Variants in GPHN observed in about 807,000 individuals in gnomAD.
The protein encoded by GPHN is gephyrin.
In GPHN, 17 loss-of-function variants were observed where a neutral mutation model predicts 95.5. That is an observed-to-expected ratio of 0.18 (90% confidence interval 0.12 to 0.27). The LOEUF (loss-of-function observed/expected upper bound fraction) is 0.27. Ranked by LOEUF, GPHN falls within the 10% of genes least tolerant of loss-of-function variation. The pLI is 1.00. For missense variants in GPHN, 660 were observed against 978.1 expected, an observed-to-expected ratio of 0.67 and a Z score of 4.34; for synonymous variants, 320 against 322.5, an observed-to-expected ratio of 0.99 and a Z score of 0.08.
At chr14:66,538,210 G>GT (rs928723237) in intron 1 of GPHN, among the ~76,000 whole-genome samples, 2 of 151,796 alleles carry the variant, frequency 1.3e-5, no homozygotes, top group African/African-American at 4.8e-5. Flanking sequence ...AGGAGTGTGC[G>GT]TTTTTTTGGC....
At chr14:67,190,388 T>G in the GPHN span, among the ~76,000 whole-genome samples, 1 of 151,650 alleles carries the variant, frequency 6.6e-6, no homozygotes. Flanking sequence ...CATGCCTGGC[T>G]AATTTTTGTA....
the GPHN span, chr14:67,360,325 C>T: frequency 7.5e-6 from 3 of 397,944 alleles, no homozygotes; most frequent in Admixed American, 4.4e-5. Flanking sequence ...GAGGAGGTTC[C>T]GCATGCGCGG....
At chr14:66,827,072 C>G (rs1369489905) in intron 4 of GPHN, among the ~76,000 whole-genome samples, 1 of 151,974 alleles carries the variant, frequency 6.6e-6, no homozygotes, top group Non-Finnish European at 1.5e-5. Context: ...TCAGTTGAGG[C>G]AAGGAGTTCA....
At chr14:66,934,418 T>TTCCTA (rs1005261776) in intron 8 of GPHN, among the ~76,000 whole-genome samples, 1 of 152,218 alleles carries the variant, frequency 6.6e-6, no homozygotes, top group African/African-American at 2.4e-5. Flanking sequence ...TTCCTAGCAC[T>TTCCTA]GTACCACATT....
the GPHN span, among the ~76,000 whole-genome samples, chr14:67,514,302 T>C: frequency 6.6e-6 from 1 of 152,132 alleles, no homozygotes. Context: ...CGTTTCTGAC[T>C]GAGCATAGAA....
chr14:67,548,714 G>A, the GPHN span, among the ~76,000 whole-genome samples: 1 of 152,070 alleles, frequency 6.6e-6, no homozygotes, highest in Non-Finnish European at 1.5e-5. Flanking sequence ...AAAGAGAGAA[G>A]AAATAATGTG....
chr14:67,625,094 C>A, the GPHN span, among the ~76,000 whole-genome samples: 1 of 151,716 alleles, frequency 6.6e-6, no homozygotes, highest in South Asian at 2.1e-4. Context: ...ATTTGACCAA[C>A]ACAAGTCAGT....
chr14:67,329,724 C>T, the GPHN span, among the ~76,000 whole-genome samples: 1 of 151,938 alleles, frequency 6.6e-6, no homozygotes, highest in Non-Finnish European at 1.5e-5. Flanking sequence ...ACTAAAAATA[C>T]AAAAAACATT....
the GPHN span, chr14:67,397,888 A>AG: frequency 7.1e-7 from 1 of 1,402,212 alleles, no homozygotes; most frequent in East Asian, 2.4e-5. Flanking sequence ...GTGTTCAGGG[A>AG]GGGGGTGTCT....
At chr14:66,692,926 G>A (rs2067871687) in intron 2 of GPHN, among the ~76,000 whole-genome samples, 1 of 151,876 alleles carries the variant, frequency 6.6e-6, no homozygotes, top group African/African-American at 2.4e-5. Context: ...TGATTTCATA[G>A]CTTCATTGCA....
intron 1 of GPHN, among the ~76,000 whole-genome samples, chr14:66,660,691 A>G (rs919863404): frequency 6.6e-6 from 1 of 152,154 alleles, no homozygotes; most frequent in Non-Finnish European, 1.5e-5. Flanking sequence ...ACAGAGAGGA[A>G]CGAAAGGGAC....
At chr14:67,426,536 G>A in the GPHN span, among the ~76,000 whole-genome samples, 5 of 152,160 alleles carry the variant, frequency 3.3e-5, no homozygotes, top group Non-Finnish European at 4.4e-5. Context: ...GTAGGCTGCC[G>A]GGTTCGGGGG....
At chr14:67,310,722 A>G in the GPHN span, among the ~76,000 whole-genome samples, 2 of 152,208 alleles carry the variant, frequency 1.3e-5, no homozygotes, top group African/African-American at 4.8e-5. Flanking sequence ...CAGTTTGTAT[A>G]TTAGGACTCA....
chr14:67,589,945 G>A, the GPHN span: 1 of 1,342,398 alleles, frequency 7.4e-7, no homozygotes, highest in Non-Finnish European at 9.6e-7. Context: ...CTGCTCTATG[G>A]CTCTAAGATG....
the GPHN span, chr14:67,690,850 C>T: frequency 1.4e-4 from 56 of 412,958 alleles, 1 homozygote; most frequent in African/African-American, 1.1e-3. Context: ...ATACCTGATG[C>T]TGGCCACAAG....
chr14:67,391,304 T>TGTGA, the GPHN span, among the ~76,000 whole-genome samples: 6 of 150,784 alleles, frequency 4.0e-5, no homozygotes, highest in South Asian at 4.2e-4. Context: ...TGTGTGTGTG[T>TGTGA]GACTTTCTTT....
At chr14:66,884,452 A>G (rs1264203056) in intron 5 of GPHN, among the ~76,000 whole-genome samples, 1 of 152,114 alleles carries the variant, frequency 6.6e-6, no homozygotes, top group Non-Finnish European at 1.5e-5. Context: ...CATATTTACT[A>G]GCATTTACTA....
the GPHN span, chr14:67,381,462 A>G: frequency 4.3e-6 from 2 of 469,982 alleles, no homozygotes; most frequent in Non-Finnish European, 7.8e-6. Flanking sequence ...TAAATAAGGA[A>G]CTGCAGTATA....
At chr14:67,172,943 G>C (rs1047283916) in intron 21 of GPHN, among the ~76,000 whole-genome samples, 2 of 152,164 alleles carry the variant, frequency 1.3e-5, no homozygotes, top group Non-Finnish European at 2.9e-5. Context: ...CAGGTTCCTA[G>C]ATAGCAACAA....
Sources: gnomAD v4.1 joint callset for allele counts (sites outside exome capture counted in the v4.1 genomes callset) on GRCh38, gnomAD v4.1.1 for gene constraint, MANE v1.5 for transcripts, NCBI Gene and HGNC (gene_info 2026-07-23, HGNC 2026-07-21) for gene names.